The following FHIT variants were observed in gnomAD, a reference collection of about 807,000 sequenced individuals.
FHIT encodes the protein fragile histidine triad diadenosine triphosphatase.
In FHIT, 19 loss-of-function variants were observed where a neutral mutation model predicts 17.9. The ratio of observed to expected loss-of-function variants is 1.06; its 90% CI spans 0.74 to 1.56. The LOEUF is 1.56. Ranked by LOEUF, FHIT falls within the 40% of genes most tolerant of loss-of-function variation. The pLI is 0.00. For missense variants in FHIT, 248 were observed against 189.2 expected, an observed-to-expected ratio of 1.31 and a Z score of -1.82; for synonymous variants, 81 against 69.7, an observed-to-expected ratio of 1.16 and a Z score of -0.81.
At chr3:60,979,932 A>G (rs1248634598) in intron 3 of FHIT, among the ~76,000 whole-genome samples, 1 of 152,204 alleles carries the variant, frequency 6.6e-6, no homozygotes, top group Non-Finnish European at 1.5e-5. Context: ...TGTTGCTCCA[A>G]TACTGGCAAT....
intron 4 of FHIT, among the ~76,000 whole-genome samples, chr3:60,592,241 C>CAT (rs1249111186): frequency 1.4e-5 from 2 of 143,104 alleles, no homozygotes; most frequent in African/African-American, 5.1e-5. Flanking sequence ...ATATATATTC[C>CAT]ATATATATAC....
At chr3:60,835,549 T>C (rs1296532534) in intron 3 of FHIT, among the ~76,000 whole-genome samples, 1 of 152,180 alleles carries the variant, frequency 6.6e-6, no homozygotes. Context: ...GAAATACAAT[T>C]GATAATTTAA....
At chr3:61,170,541 T>C (rs190061170) in intron 2 of FHIT, among the ~76,000 whole-genome samples, 122 of 152,218 alleles carry the variant, frequency 8.0e-4, no homozygotes, top group African/African-American at 2.8e-3. Flanking sequence ...CACCCTCCAA[T>C]AGGCCCTAGT....
chr3:59,805,018 G>T (rs936028395), intron 8 of FHIT, among the ~76,000 whole-genome samples: 2 of 152,116 alleles, frequency 1.3e-5, no homozygotes, highest in African/African-American at 4.8e-5. Context: ...AGCTAAGGCG[G>T]CCATTCTGTT....
intron 1 of FHIT, among the ~76,000 whole-genome samples, chr3:61,231,568 C>G (rs1386217060): frequency 6.6e-6 from 1 of 151,706 alleles, no homozygotes; most frequent in Non-Finnish European, 1.5e-5. Context: ...TGGTCAGATT[C>G]AAACTCAATA....
At chr3:60,015,407 G>A (rs771794762) in intron 5 of FHIT, among the ~76,000 whole-genome samples, 2 of 152,182 alleles carry the variant, frequency 1.3e-5, no homozygotes, top group Non-Finnish European at 2.9e-5. Context: ...CAAGAGAGGA[G>A]AAGGGAGGCG....
Position 60,772,314 on chromosome 3 carries a change from CTATA to C in FHIT, c.-18+49601_-18+49604del, listed in dbSNP as rs61056807. Reference sequence around the variant, plus strand: ...ATTAAGTAGATTGTTCACTTCTCATCTATATATATATATATATATATATATATAT... The same window carrying C: ...ATTAAGTAGATTGTTCACTTCTCATCTATATATATATATATATATATATAT... On this transcript the variant is annotated intron_variant, in intron 4 of 9. Transcript: ENST00000492590. 6.8e-3 allele frequency among the ~76,000 whole-genome samples: 968 copies of C among 142,942 alleles called. 8 individuals are homozygous for C. Among genetic ancestry groups the C allele is most frequent in the African/African-American group, 0.021 (792 of 38,470 alleles). 93.8% of individuals were successfully genotyped at this position (142,942 alleles called of 152,430 possible).
chr3:61,188,247 G>A (rs939290026), intron 2 of FHIT, among the ~76,000 whole-genome samples: 1 of 152,072 alleles, frequency 6.6e-6, no homozygotes, highest in African/African-American at 2.4e-5. Flanking sequence ...TGATAAAGGG[G>A]ATATCACCAC....
intron 8 of FHIT, among the ~76,000 whole-genome samples, chr3:59,844,507 C>CTGTG (rs147648463): frequency 1.3e-5 from 2 of 151,378 alleles, no homozygotes; most frequent in Non-Finnish European, 3.0e-5. Flanking sequence ...CTGTGTGTGT[C>CTGTG]TGTGTGTGTG....
chr3:60,690,208 A>C, intron 4 of FHIT: 1 of 491,490 alleles, frequency 2.0e-6, no homozygotes, highest in Non-Finnish European at 3.9e-6. Flanking sequence ...GTTAAGATAA[A>C]ACACAAGTCA....
chr3:60,518,255 A>T (rs2035232260), intron 5 of FHIT, among the ~76,000 whole-genome samples: 1 of 152,190 alleles, frequency 6.6e-6, no homozygotes, highest in African/African-American at 2.4e-5. Context: ...TGACAGGTAG[A>T]GGGTTAATTC....
intron 7 of FHIT, among the ~76,000 whole-genome samples, chr3:59,973,229 G>A (rs762954803): frequency 2.6e-5 from 4 of 152,004 alleles, no homozygotes; most frequent in South Asian, 2.1e-4. Context: ...GTATAGTGAC[G>A]CTCTTGAAAC....
chr3:60,028,708 C>T (rs1700857766), intron 5 of FHIT, among the ~76,000 whole-genome samples: 2 of 152,192 alleles, frequency 1.3e-5, no homozygotes, highest in South Asian at 2.1e-4. Flanking sequence ...AAATAACTGA[C>T]TTTGGGAATG....
At chr3:61,135,596 CACAT>C (rs1320623272) in intron 2 of FHIT, among the ~76,000 whole-genome samples, 1 of 150,058 alleles carries the variant, frequency 6.7e-6, no homozygotes, top group African/African-American at 2.5e-5. Context: ...CACACACACA[CACAT>C]ACACACACAC....
intron 3 of FHIT, among the ~76,000 whole-genome samples, chr3:61,013,398 T>C (rs1203163508): frequency 2.6e-5 from 4 of 152,184 alleles, no homozygotes; most frequent in Non-Finnish European, 5.9e-5. Context: ...CTAAGACTCA[T>C]TACAGCGTTC....
At chr3:60,103,695 G>T (rs944979107) in intron 5 of FHIT, among the ~76,000 whole-genome samples, 1 of 152,116 alleles carries the variant, frequency 6.6e-6, no homozygotes, top group African/African-American at 2.4e-5. Context: ...GGCTTGCTAC[G>T]TGTAGAAAAA....
chr3:61,240,849 A>T (rs2040356543), intron 1 of FHIT, among the ~76,000 whole-genome samples: 1 of 152,178 alleles, frequency 6.6e-6, no homozygotes, highest in Admixed American at 6.5e-5. Context: ...AGATCAATTA[A>T]ATTGGGAAAG....
Position 60,834,896 on chromosome 3 carries a change from A to C in FHIT, c.-110-12885T>G, listed in dbSNP as rs937441869. On this transcript the variant is annotated intron_variant, in intron 3 of 9. Coordinates refer to ENST00000492590, the MANE Select transcript of FHIT (RefSeq NM_002012.4). Reference sequence around the variant, plus strand: ...GAAAAGAAAAGAAAAAAAAAAAAAAAAACTCTTTCACGGTGCAAAAGCAAA... The same window carrying C: ...GAAAAGAAAAGAAAAAAAAAAAAAACAACTCTTTCACGGTGCAAAAGCAAA... 3.3e-5 allele frequency among the ~76,000 whole-genome samples: 5 copies of C among 151,952 alleles called. No individual in the cohort carries two copies. In the South Asian group the frequency reaches 6.2e-4, roughly 19 times the overall value.
chr3:60,633,463 G>C (rs2039500108), intron 4 of FHIT, among the ~76,000 whole-genome samples: 1 of 152,148 alleles, frequency 6.6e-6, no homozygotes, highest in African/African-American at 2.4e-5. Context: ...GTATAAAGCG[G>C]TAATCTGTAC....
Sources: gnomAD v4.1 joint callset for allele counts (sites outside exome capture counted in the v4.1 genomes callset) on GRCh38, gnomAD v4.1.1 for gene constraint, MANE v1.5 for transcripts, NCBI Gene and HGNC (gene_info 2026-07-23, HGNC 2026-07-21) for gene names.